Variants in GPHN observed in about 807,000 individuals in gnomAD.
GPHN encodes the protein gephyrin.
In GPHN, 17 loss-of-function variants were observed where a neutral mutation model predicts 95.5. The ratio of observed to expected loss-of-function variants is 0.18; its 90% CI spans 0.12 to 0.27. The LOEUF (loss-of-function observed/expected upper bound fraction) is 0.27. Among genes scored for constraint, GPHN ranks in the 10% least tolerant of loss-of-function variants. GPHN has a pLI of 1.00. For synonymous variants in GPHN, 320 were observed against 322.5 expected (o/e 0.99, Z 0.08); for missense variants, 660 against 978.1 (o/e 0.67, Z 4.34).
At chr14:66,600,160 T>C (rs1168825288) in intron 1 of GPHN, among the ~76,000 whole-genome samples, 1 of 152,090 alleles carries the variant, frequency 6.6e-6, no homozygotes, top group African/African-American at 2.4e-5. Context: ...TGTACAGTTT[T>C]CTGTGCAGTT....
At chr14:66,802,998 G>A (rs1038364188) in intron 3 of GPHN, among the ~76,000 whole-genome samples, 14 of 152,052 alleles carry the variant, frequency 9.2e-5, no homozygotes, top group African/African-American at 3.1e-4. Flanking sequence ...CACTGTCAGT[G>A]GACCCTGTTC....
chr14:67,445,473 T>TA, the GPHN span, among the ~76,000 whole-genome samples: 1 of 146,116 alleles, frequency 6.8e-6, no homozygotes, highest in African/African-American at 2.6e-5. Context: ...TTGGTGTCAG[T>TA]AAAAAAGCAC....
At chr14:66,928,294 G>C (rs2066595017) in intron 8 of GPHN, among the ~76,000 whole-genome samples, 1 of 152,010 alleles carries the variant, frequency 6.6e-6, no homozygotes, top group Admixed American at 6.6e-5. Flanking sequence ...ACTACTTCTA[G>C]GTTTTCCAAC....
chr14:67,411,982 A>C, the GPHN span: 2 of 1,519,424 alleles, frequency 1.3e-6, no homozygotes, highest in Non-Finnish European at 1.8e-6. Context: ...GCGGGGCCCC[A>C]CCCGGGCAAT....
intron 1 of GPHN, among the ~76,000 whole-genome samples, chr14:66,648,322 C>T (rs1336729295): frequency 6.6e-6 from 1 of 151,940 alleles, no homozygotes; most frequent in Non-Finnish European, 1.5e-5. Context: ...ATGTATTAGT[C>T]CTTATGGATT....
chr14:66,778,600 T>C (rs554261619), intron 3 of GPHN, among the ~76,000 whole-genome samples: 27 of 152,136 alleles, frequency 1.8e-4, no homozygotes, highest in Non-Finnish European at 1.0e-4. Flanking sequence ...TGTAAAGATC[T>C]CAACAAATCA....
At chr14:67,236,528 C>T in the GPHN span, among the ~76,000 whole-genome samples, 1 of 152,236 alleles carries the variant, frequency 6.6e-6, no homozygotes, top group East Asian at 1.9e-4. Context: ...AATGCTTAGC[C>T]CATTAAATGA....
chr14:67,729,730 T>C, the GPHN span: 1 of 519,614 alleles, frequency 1.9e-6, no homozygotes, highest in Non-Finnish European at 3.8e-6. Flanking sequence ...TTCATGAATT[T>C]TTAAATACCA....
At chr14:67,207,896 G>A in the GPHN span, among the ~76,000 whole-genome samples, 28 of 152,280 alleles carry the variant, frequency 1.8e-4, no homozygotes, top group East Asian at 7.7e-4. Flanking sequence ...CTTTTCTTGT[G>A]CTGACAATTC....
At chr14:66,944,536 A>C (rs2067626821) in intron 8 of GPHN, among the ~76,000 whole-genome samples, 1 of 152,242 alleles carries the variant, frequency 6.6e-6, no homozygotes, top group Non-Finnish European at 1.5e-5. Flanking sequence ...CTCTACAGAG[A>C]ATATAAACAG....
At chr14:66,921,595 C>T (rs1173115113) in intron 6 of GPHN, among the ~76,000 whole-genome samples, 7 of 152,022 alleles carry the variant, frequency 4.6e-5, no homozygotes, top group African/African-American at 1.4e-4. Flanking sequence ...CCCATGCTCA[C>T]GGATTAGTAG....
intron 1 of GPHN, among the ~76,000 whole-genome samples, chr14:66,679,068 G>A (rs1727277931): frequency 6.6e-6 from 1 of 152,192 alleles, no homozygotes; most frequent in African/African-American, 2.4e-5. Context: ...CATCATTTGT[G>A]GTACGCACTA....
chr14:66,952,526 G>T (rs796489571), intron 8 of GPHN, among the ~76,000 whole-genome samples: 1 of 152,120 alleles, frequency 6.6e-6, no homozygotes, highest in Admixed American at 6.5e-5. Flanking sequence ...CCTGTTTTCA[G>T]TTCTCTTGAA....
chr14:67,706,205 G>T, the GPHN span: 1 of 152,408 alleles, frequency 6.6e-6, no homozygotes, highest in South Asian at 2.0e-4. Context: ...TAGTGCCTAT[G>T]AACAGCCACT....
chr14:66,851,970 T>G (rs1197638438), intron 4 of GPHN, among the ~76,000 whole-genome samples: 1 of 152,158 alleles, frequency 6.6e-6, no homozygotes, highest in African/African-American at 2.4e-5. Flanking sequence ...TGGATAGAAT[T>G]AATTGCACTT....
At chr14:67,308,409 A>ATCCCAAAG in the GPHN span, among the ~76,000 whole-genome samples, 2 of 151,758 alleles carry the variant, frequency 1.3e-5, no homozygotes, top group Non-Finnish European at 2.9e-5. Context: ...CATTAAGCTA[A>ATCCCAAAG]TCCCAAAGTT....
intron 1 of GPHN, among the ~76,000 whole-genome samples, chr14:66,621,876 T>C (rs2063321041): frequency 6.6e-6 from 1 of 152,154 alleles, no homozygotes; most frequent in African/African-American, 2.4e-5. Flanking sequence ...TTTCATTGGC[T>C]AGTAGTGACT....
chr14:67,349,763 C>A, the GPHN span, among the ~76,000 whole-genome samples: 1 of 152,198 alleles, frequency 6.6e-6, no homozygotes, highest in South Asian at 2.1e-4. Flanking sequence ...AAAACACTCA[C>A]ATACCACTTA....
At chr14:67,111,772 G>T in intron 14 of GPHN, 89 bp from the exon 15 acceptor site, 1 of 920,530 alleles carries the variant, frequency 1.1e-6, no homozygotes, top group Non-Finnish European at 1.8e-6. Flanking sequence ...TATATATCCT[G>T]GGCCTATCTG....
Sources: allele counts gnomAD v4.1 joint callset (sites outside exome capture counted in the v4.1 genomes callset), GRCh38; gene constraint gnomAD v4.1.1; transcripts MANE v1.5; gene names NCBI Gene and HGNC (gene_info 2026-07-23, HGNC 2026-07-21).